MTSS2: variants seen among roughly 807,000 people sequenced by gnomAD.
The protein encoded by MTSS2 is protein MTSS 2.
In MTSS2, 27 loss-of-function variants were observed where a neutral mutation model predicts 67.1. The ratio of observed to expected loss-of-function variants is 0.40; its 90% CI spans 0.30 to 0.55. The LOEUF is 0.55. Ranked by LOEUF, MTSS2 falls within the 20% of genes least tolerant of loss-of-function variation. MTSS2 has a pLI of 0.43. For missense variants in MTSS2, 1,171 were observed against 1,067.8 expected, an observed-to-expected ratio of 1.10 and a Z score of -1.35; for synonymous variants, 624 against 468.6, an observed-to-expected ratio of 1.33 and a Z score of -4.28.
chr16:70,669,378 G>C (rs142732369), intron 11 of MTSS2, among the ~76,000 whole-genome samples: 1 of 152,146 alleles, frequency 6.6e-6, no homozygotes, highest in Admixed American at 6.6e-5. Context: ...ATATTCTAAC[G>C]GTCTTTAAAG....
At position 70,664,644 on chromosome 16, in the gene MTSS2, C is replaced by G. The variant is rs577295902; in HGVS notation, c.1425G>C (p.Thr475=). Residue 475 remains threonine (T), a synonymous_variant, in exon 14 of 15, where the codon ACG becomes ACC. Transcript: ENST00000338779. ...CAGAGCAGGAGGGCGTGGTGGTCTG[C>G]GTGCTGTAGCCGCTGGAGTACTGCA... The part of the protein sequence containing the change: ...DSLQYSSGYS[T]QTTTPSCSED... 5.0e-6 allele frequency: 8 copies of G among 1,613,298 alleles called. No individual in the cohort carries two copies. In the South Asian group the frequency reaches 8.8e-5, roughly 18 times the overall value.
chr16:70,674,184 T>A, intron 11 of MTSS2, 122 bp downstream of exon 11: 1 of 773,086 alleles, frequency 1.3e-6, no homozygotes, highest in Non-Finnish European at 2.1e-6. Flanking sequence ...TTGGGGGCCT[T>A]CAGGCCAGTC....
intron 6 of MTSS2, 21 bp from the exon 7 acceptor site, chr16:70,679,344 G>A (rs574465242): frequency 4.3e-6 from 7 of 1,613,580 alleles, no homozygotes; most frequent in East Asian, 2.2e-5. Context: ...GATGTGGGAG[G>A]AGAGGAGGAG....
At chr16:70,680,918 G>GGGGGGGGGGCCCCCCC in intron 2 of MTSS2, 46 bp downstream of exon 2, 1 of 1,097,934 alleles carries the variant, frequency 9.1e-7, no homozygotes, top group Non-Finnish European at 1.3e-6. Context: ...CGGGGGGGGG[G>GGGGGGGGGGCCCCCCC]CCTCTGCCTG....
At chr16:70,666,686 TAAC>T (rs2052726361) in intron 11 of MTSS2, among the ~76,000 whole-genome samples, 1 of 152,076 alleles carries the variant, frequency 6.6e-6, no homozygotes, top group Non-Finnish European at 1.5e-5. Flanking sequence ...TTGGAGGAAA[TAAC>T]AAATGCAGAC....
chr16:70,679,698 T>C lies in MTSS2; in HGVS notation c.389A>G (p.Lys130Arg). The change falls in exon 6 of 15, where the codon AAA becomes AGA. Residue 130 changes from lysine (K) to arginine (R), a missense_variant. Coordinates refer to ENST00000338779, the MANE Select transcript of MTSS2 (RefSeq NM_138383.3). ...CTTTTTGATCTCATGCCGGGCTCGT[T>C]TGTACTCTGCAGAAGGGGAGAGCGG... ...QLDKDHAKEY[K>R]RARHEIKKKS... 4 of 1,611,552 alleles carry C rather than the reference T, an allele frequency of 2.5e-6. No homozygotes were observed. Among genetic ancestry groups the C allele is most frequent in the Non-Finnish European group, 3.4e-6 (4 of 1,179,018 alleles).
At chr16:70,677,234 C>T (rs779834968) in intron 9 of MTSS2, among the ~76,000 whole-genome samples, 4 of 152,216 alleles carry the variant, frequency 2.6e-5, no homozygotes, top group Non-Finnish European at 4.4e-5. Flanking sequence ...GTGACCCTGA[C>T]ACCATGGGGT....
intron 11 of MTSS2, among the ~76,000 whole-genome samples, chr16:70,672,890 G>T (rs117670257): frequency 6.6e-6 from 1 of 152,124 alleles, no homozygotes; most frequent in Non-Finnish European, 1.5e-5. Flanking sequence ...GCTGGGCGCG[G>T]TTGCTCACAC....
chr16:70,664,102 G>T lies in MTSS2; in HGVS notation c.1819C>A (p.Pro607Thr). 2 of 1,611,772 alleles carry T rather than the reference G, an allele frequency of 1.2e-6. No individual in the cohort carries two copies. Among genetic ancestry groups the T allele is most frequent in the Non-Finnish European group, 1.7e-6 (2 of 1,179,668 alleles). The change falls in exon 15 of 15, where the codon CCC becomes ACC. Residue 607 changes from proline (P) to threonine (T), a missense_variant. Pro to Thr is a conservative substitution (Grantham distance 38). Around this residue, in one of 2 missense-constraint regions of MTSS2, gnomAD observed 924 missense variants for 756.0 expected, o/e 1.22. Transcript: ENST00000338779. Reference sequence around the variant, plus strand: ...CACTCCTCACTGCCCGCCCGTGTGGGCCCCATGTAGCCGGGGGAGTCAGGC... The same window carrying T: ...CACTCCTCACTGCCCGCCCGTGTGGTCCCCATGTAGCCGGGGGAGTCAGGC... ...TVPDSPGYMG[P>T]TRAGSEECVF...
rs2052569481 is a variant in MTSS2 at position 70,663,506 on chromosome 16, C to G, written c.*171G>C. 2.5e-5 allele frequency: 32 copies of G among 1,288,160 alleles called. No homozygotes were observed. Among genetic ancestry groups the G allele is most frequent in the Non-Finnish European group, 3.3e-5 (32 of 973,054 alleles). 79.8% of individuals were successfully genotyped at this position (1,288,160 alleles called of 1,614,324 possible). A position where few individuals can be genotyped will look rare whatever the true frequency, so the allele number is the denominator to read the frequency against. On this transcript the variant is annotated 3_prime_UTR_variant, in exon 15 of 15. Transcript: ENST00000338779. ...CCTGGCCAGGCTTGCTAAGAAGTCA[C>G]TTCCTGTTTAAATGCTGGAATCCAA...
intron 11 of MTSS2, among the ~76,000 whole-genome samples, chr16:70,672,454 A>G: frequency 6.6e-6 from 1 of 151,924 alleles, no homozygotes; most frequent in Admixed American, 6.5e-5. Flanking sequence ...AAACTGGCAA[A>G]AATAGAAGAC....
chr16:70,673,303 C>T (rs1044556822), intron 11 of MTSS2, among the ~76,000 whole-genome samples: 6 of 151,970 alleles, frequency 3.9e-5, no homozygotes, highest in Non-Finnish European at 4.4e-5. Flanking sequence ...AAAGAGAAGG[C>T]CTAAAAGTGC....
chr16:70,685,801 G>A lies in MTSS2; in HGVS notation c.-10C>T. On this transcript the variant is annotated 5_prime_UTR_variant, in exon 1 of 15. Coordinates refer to ENST00000338779, the MANE Select transcript of MTSS2 (RefSeq NM_138383.3). ...TCTCCGCCGTCTCCATGCTCTGGCTGGGCCGGGCCGCGGCGGCGGCTAGGC... is the reference window on the plus strand; with the variant it reads ...TCTCCGCCGTCTCCATGCTCTGGCTAGGCCGGGCCGCGGCGGCGGCTAGGC... 1 of 1,321,530 alleles carries A rather than the reference G, an allele frequency of 7.6e-7. No individual in the cohort carries two copies. Among genetic ancestry groups the A allele is most frequent in the Admixed American group, 2.4e-5 (1 of 42,256 alleles). 81.9% of individuals were successfully genotyped at this position (1,321,530 alleles called of 1,614,324 possible).
chr16:70,665,681 C>G (rs2052689080), intron 11 of MTSS2, 141 bp from the exon 12 acceptor site: 4 of 675,636 alleles, frequency 5.9e-6, no homozygotes, highest in Non-Finnish European at 9.9e-6. Flanking sequence ...CCCACCCCCC[C>G]TACCCCAGGG....
At chr16:70,672,890 G>A (rs117670257) in intron 11 of MTSS2, among the ~76,000 whole-genome samples, 2,855 of 152,238 alleles carry the variant, frequency 0.019, 26 homozygotes, top group South Asian at 0.039. Context: ...GCTGGGCGCG[G>A]TTGCTCACAC....
chr16:70,677,959 G>A lies in MTSS2; in HGVS notation c.625-60C>T, dbSNP rs183625458. The A allele has an allele frequency of 7.6e-5, 104 of 1,367,674 alleles. No individual in the cohort carries two copies. In the African/African-American group the frequency reaches 1.1e-3, roughly 14 times the overall value. 84.7% of individuals were successfully genotyped at this position (1,367,674 alleles called of 1,614,324 possible). ...TCGCCCACCTGCCCGCCTGCCCAGC[G>A]CCCCTGGAGAAGCAGCAGCCCTTGT... On this transcript the variant is annotated intron_variant, in intron 8 of 14. Coordinates refer to ENST00000338779, the MANE Select transcript of MTSS2 (RefSeq NM_138383.3).
chr16:70,665,298 C>T (rs1303402130), intron 12 of MTSS2, 168 bp downstream of exon 12: 12 of 918,428 alleles, frequency 1.3e-5, no homozygotes, highest in Admixed American at 5.3e-5. Flanking sequence ...GCTGTGTGGG[C>T]AGTGACTGTA....
chr16:70,674,407 C>T lies in MTSS2; in HGVS notation c.952G>A (p.Ala318Thr), dbSNP rs550061384. The T allele has an allele frequency of 1.1e-5, 17 of 1,614,102 alleles. No individual in the cohort carries two copies. The highest frequency in any genetic ancestry group is 5.3e-5 in the African/African-American group (4 of 75,032). Residue 318 changes from alanine to threonine, a missense_variant, in exon 11 of 15, where the codon GCT becomes ACT. By Grantham distance (58) the Ala-to-Thr change is moderately conservative. Transcript: ENST00000338779. ...RSLAQPATTT[A>T]RLSSVSSHDS... is the part of the protein sequence containing the mutation. Reference sequence around the variant, plus strand: ...TGGGAGGAAACGCTGGAGAGGCGAGCGGTGGTGGTGGCTGGCTGCGCCAGG... The same window carrying T: ...TGGGAGGAAACGCTGGAGAGGCGAGTGGTGGTGGTGGCTGGCTGCGCCAGG...
chr16:70,669,699 C>T (rs541383060), intron 11 of MTSS2, among the ~76,000 whole-genome samples: 3 of 152,044 alleles, frequency 2.0e-5, no homozygotes, highest in Admixed American at 2.0e-4. Flanking sequence ...CGCCTGTAAT[C>T]CCAGCTACTC....
Sources: gnomAD v4.1 joint callset for allele counts (sites outside exome capture counted in the v4.1 genomes callset) on GRCh38, gnomAD v4.1.1 for gene constraint, gnomAD v4.1.1 regional missense constraint, MANE v1.5 for transcripts, NCBI Gene and HGNC (gene_info 2026-07-23, HGNC 2026-07-21) for gene names.